The following GLT1D1 variants were observed in gnomAD, a reference collection of about 807,000 sequenced individuals.
The protein encoded by GLT1D1 is glycosyltransferase 1 domain containing 1, also known as glycosyltransferase 1 domain-containing protein 1.
GLT1D1 carries 21 observed loss-of-function variants against 28.7 expected under a neutral mutation model. The observed-to-expected ratio is 0.73, with a 90% CI of 0.52 to 1.05. The LOEUF (loss-of-function observed/expected upper bound fraction) is 1.05, where lower values mean the gene tolerates loss of function less well. Ranked by LOEUF, GLT1D1 falls within the 50% of genes least tolerant of loss-of-function variation. The pLI, the probability that GLT1D1 is intolerant of heterozygous loss-of-function variation, is 0.00. For missense variants in GLT1D1, 343 were observed against 330.6 expected, an observed-to-expected ratio of 1.04 and a Z score of -0.29; for synonymous variants, 147 against 124.8, an observed-to-expected ratio of 1.18 and a Z score of -1.19.
intron 4 of GLT1D1, chr12:128,926,443 A>T (rs1250521594): frequency 1.3e-6 from 2 of 1,517,542 alleles, no homozygotes; most frequent in Admixed American, 3.9e-5. Flanking sequence ...TATCTGGTGG[A>T]CGCATTTTCA....
intron 4 of GLT1D1, 167 bp from the exon 9 acceptor site, chr12:128,945,159 G>A (rs952232279): frequency 6.7e-5 from 51 of 757,820 alleles, no homozygotes; most frequent in Middle Eastern, 2.3e-4. Context: ...TGCCCGAGCC[G>A]GGGGCCCCCA....
At chr12:128,914,713 G>T (rs146707837) in intron 4 of GLT1D1, among the ~76,000 whole-genome samples, 1 of 152,046 alleles carries the variant, frequency 6.6e-6, no homozygotes, top group Non-Finnish European at 1.5e-5. Context: ...CCAGCTACTC[G>T]GGAGGCTGAG....
At chr12:128,953,455 G>A (rs1466584990) in intron 6 of GLT1D1, among the ~76,000 whole-genome samples, 1 of 152,168 alleles carries the variant, frequency 6.6e-6, no homozygotes, top group African/African-American at 2.4e-5. Context: ...GGAATTATAG[G>A]CATGAGCCAC....
intron 1 of GLT1D1, among the ~76,000 whole-genome samples, chr12:128,857,405 G>T (rs2398441): frequency 0.83 from 125,981 of 152,232 alleles, 53,875 homozygotes; most frequent in South Asian, 0.94. Context: ...CTGCTATTCA[G>T]GCTTTGATGT....
At chr12:128,881,212 A>C (rs1419310439) in intron 2 of GLT1D1, among the ~76,000 whole-genome samples, 1 of 124,430 alleles carries the variant, frequency 8.0e-6, no homozygotes, top group African/African-American at 3.1e-5. Flanking sequence ...CGACAGAGCG[A>C]GACTCCGTTT....
intron 6 of GLT1D1, among the ~76,000 whole-genome samples, chr12:128,953,948 G>A (rs898938487): frequency 3.3e-5 from 5 of 151,850 alleles, no homozygotes; most frequent in African/African-American, 9.7e-5. Flanking sequence ...CTTTCACCAC[G>A]TTGGCCAGGC....
chr12:128,920,304 C>T (rs374986005), intron 4 of GLT1D1, among the ~76,000 whole-genome samples: 8 of 152,000 alleles, frequency 5.3e-5, no homozygotes, highest in East Asian at 3.9e-4. Context: ...CCCAGCACTT[C>T]GGGAGGCCGG....
At chr12:128,927,029 A>T (rs1873293430) in intron 4 of GLT1D1, 76 bp from the exon 8 acceptor site, 1 of 909,476 alleles carries the variant, frequency 1.1e-6, no homozygotes, top group Admixed American at 2.3e-5. Flanking sequence ...AGAAATTTAT[A>T]TTGAAGTTAG....
chr12:128,863,339 G>C (rs1956426714), intron 1 of GLT1D1, among the ~76,000 whole-genome samples: 1 of 152,004 alleles, frequency 6.6e-6, no homozygotes, highest in African/African-American at 2.4e-5. Context: ...TGGGAGCTTT[G>C]TGACTTGCAA....
intron 2 of GLT1D1, among the ~76,000 whole-genome samples, chr12:128,879,425 T>G (rs1241331873): frequency 1.7e-5 from 2 of 117,292 alleles, no homozygotes; most frequent in African/African-American, 7.3e-5. Flanking sequence ...TTTCTTTCTT[T>G]CTTTCTTTCT....
At chr12:128,973,675 T>G (rs1412669786) in intron 7 of GLT1D1, among the ~76,000 whole-genome samples, 2 of 151,982 alleles carry the variant, frequency 1.3e-5, no homozygotes, top group Non-Finnish European at 2.9e-5. Context: ...CTCACCTTCT[T>G]CTTTCCTTCA....
At chr12:128,872,839 G>A (rs1322144086) in intron 1 of GLT1D1, among the ~76,000 whole-genome samples, 2 of 151,996 alleles carry the variant, frequency 1.3e-5, no homozygotes, top group Non-Finnish European at 2.9e-5. Context: ...ACAAAAGCTC[G>A]TGTGTCTCTT....
At chr12:128,867,321 C>T (rs769723416) in intron 1 of GLT1D1, among the ~76,000 whole-genome samples, 6 of 142,736 alleles carry the variant, frequency 4.2e-5, no homozygotes, top group Non-Finnish European at 4.5e-5. Context: ...TGCTTGAACC[C>T]GGGAGGCAGA....
At chr12:128,966,011 C>A (rs1036453123) in intron 7 of GLT1D1, among the ~76,000 whole-genome samples, 1 of 152,254 alleles carries the variant, frequency 6.6e-6, no homozygotes, top group Non-Finnish European at 1.5e-5. Flanking sequence ...GAGATGGGAC[C>A]TCCAAAAAGA....
rs999485115 is a variant in GLT1D1, at chr12:128,899,218, T to C, written c.324-18T>C. The C allele has an allele frequency of 2.5e-6, 4 of 1,599,608 alleles. No homozygotes were observed. The highest frequency in any genetic ancestry group is 3.4e-6 in the Non-Finnish European group (4 of 1,166,720). On this transcript the variant is annotated intron_variant, in intron 3 of 7. Coordinates refer to ENST00000281703, the MANE Select transcript of GLT1D1 (RefSeq NM_144669.3). The stretch of plus-strand genomic sequence containing the variant: ...AATTCTGGCCTAATTGTTTCTATTA[T>C]TTTTGTTCATTTACTAGATTTGCTG...
intron 3 of GLT1D1, among the ~76,000 whole-genome samples, chr12:128,898,283 C>T (rs142568485): frequency 6.6e-6 from 1 of 152,084 alleles, no homozygotes; most frequent in South Asian, 2.1e-4. Context: ...AGCGATCCTC[C>T]TGCCTCAGCC....
chr12:128,904,505 C>T (rs769432793), intron 4 of GLT1D1, among the ~76,000 whole-genome samples: 11 of 151,580 alleles, frequency 7.3e-5, no homozygotes, highest in East Asian at 1.9e-4. Flanking sequence ...ATATTGGACT[C>T]GGGTAAATAT....
At chr12:128,912,396 T>G (rs1166910275) in intron 4 of GLT1D1, 28 bp from the exon 5 acceptor site, 4 of 1,488,170 alleles carry the variant, frequency 2.7e-6, no homozygotes, top group Middle Eastern at 1.7e-4. Context: ...AATGTACTTT[T>G]CTTTTCTCTC....
intron 4 of GLT1D1, among the ~76,000 whole-genome samples, chr12:128,906,260 G>A (rs1054294523): frequency 6.6e-6 from 1 of 152,090 alleles, no homozygotes; most frequent in Non-Finnish European, 1.5e-5. Flanking sequence ...TTGATTTCTT[G>A]CTACAATATG....
Sources: gnomAD v4.1 joint callset for allele counts (sites outside exome capture counted in the v4.1 genomes callset) on GRCh38, gnomAD v4.1.1 for gene constraint, MANE v1.5 for transcripts, NCBI Gene and HGNC (gene_info 2026-07-23, HGNC 2026-07-21) for gene names.